LINGO1: variants seen among roughly 807,000 people sequenced by gnomAD.
LINGO1 encodes leucine rich repeat and Ig domain containing 1.
In LINGO1, 11 loss-of-function variants were observed where a neutral mutation model predicts 37.3. The ratio of observed to expected loss-of-function variants is 0.29; its 90% CI spans 0.19 to 0.49. The LOEUF (loss-of-function observed/expected upper bound fraction) is 0.49, where lower values mean the gene tolerates loss of function less well. Ranked by LOEUF, LINGO1 falls within the 20% of genes least tolerant of loss-of-function variation. LINGO1 has a pLI of 0.99. For synonymous variants in LINGO1, 387 were observed against 403.0 expected (o/e 0.96, Z 0.48); for missense variants, 585 against 878.2 (o/e 0.67, Z 4.22).
chr15:77,809,610 C>T (rs910057701), intron 1 of LINGO1, among the ~76,000 whole-genome samples: 20 of 152,074 alleles, frequency 1.3e-4, no homozygotes, highest in African/African-American at 4.3e-4. Flanking sequence ...ACTGGGAGAG[C>T]AGAGGGAAGG....
At chr15:77,757,271 C>T (rs2076429921) in intron 1 of LINGO1, among the ~76,000 whole-genome samples, 1 of 152,214 alleles carries the variant, frequency 6.6e-6, no homozygotes, top group Non-Finnish European at 1.5e-5. Flanking sequence ...GCCGCAGGGG[C>T]CCAGGCTCTG....
intron 1 of LINGO1, among the ~76,000 whole-genome samples, chr15:77,741,349 G>T (rs769263815): frequency 6.6e-6 from 1 of 152,224 alleles, no homozygotes; most frequent in Non-Finnish European, 1.5e-5. Context: ...GTCCTGAGAG[G>T]CTGGGAAACT....
At chr15:77,723,838 A>G (rs1404186703) in intron 2 of LINGO1, among the ~76,000 whole-genome samples, 1 of 152,046 alleles carries the variant, frequency 6.6e-6, no homozygotes, top group Non-Finnish European at 1.5e-5. Flanking sequence ...GGAGGGGGCA[A>G]CAGTTCCAAA....
chr15:77,708,776 G>A (rs567549917), intron 2 of LINGO1, among the ~76,000 whole-genome samples: 2 of 152,284 alleles, frequency 1.3e-5, no homozygotes, highest in East Asian at 3.9e-4. Flanking sequence ...GTGGTGGTGG[G>A]CACCTGTAAT....
At chr15:77,680,928 G>C (rs1258115911) in intron 2 of LINGO1, among the ~76,000 whole-genome samples, 2 of 152,148 alleles carry the variant, frequency 1.3e-5, no homozygotes, top group African/African-American at 2.4e-5. Flanking sequence ...ACAACACGAG[G>C]AACAAGGAGA....
intron 1 of LINGO1, among the ~76,000 whole-genome samples, chr15:77,799,331 T>A (rs1488583179): frequency 6.6e-6 from 1 of 152,060 alleles, no homozygotes; most frequent in Non-Finnish European, 1.5e-5. Context: ...CAGGGAAGGG[T>A]CCCTCAGAGT....
chr15:77,796,269 T>A (rs1473972243), intron 1 of LINGO1, among the ~76,000 whole-genome samples: 1 of 152,232 alleles, frequency 6.6e-6, no homozygotes, highest in Non-Finnish European at 1.5e-5. Flanking sequence ...CACACATAGA[T>A]GTGTTGTCAA....
At chr15:77,636,427 C>G (rs2074397149), upstream of LINGO1, among the ~76,000 whole-genome samples, 1 of 152,152 alleles carries the variant, frequency 6.6e-6, no homozygotes, top group African/African-American at 2.4e-5. Context: ...TTGCTGAGAC[C>G]TCTAATTAGC....
intron 2 of LINGO1, among the ~76,000 whole-genome samples, chr15:77,708,249 C>T (rs1371005379): frequency 1.3e-5 from 2 of 152,098 alleles, no homozygotes; most frequent in Admixed American, 1.3e-4. Flanking sequence ...GATGGCAAGC[C>T]CTGGGAAGGA....
At chr15:77,710,188 C>T (rs1296221129) in intron 2 of LINGO1, among the ~76,000 whole-genome samples, 1 of 152,246 alleles carries the variant, frequency 6.6e-6, no homozygotes, top group Non-Finnish European at 1.5e-5. Flanking sequence ...ACACCCGGCA[C>T]TCAGCTCCAC....
intron 2 of LINGO1, among the ~76,000 whole-genome samples, chr15:77,794,963 T>C (rs2076861289): frequency 6.6e-6 from 1 of 152,144 alleles, no homozygotes; most frequent in Non-Finnish European, 1.5e-5. Context: ...CAGGGTTGGC[T>C]AAGCCTCAGC....
chr15:77,757,103 TCCTTGGCCAAGCCACCCTG>T (rs535477594), intron 1 of LINGO1, among the ~76,000 whole-genome samples: 328 of 152,300 alleles, frequency 2.2e-3, no homozygotes, highest in African/African-American at 7.7e-3. Context: ...ACTGCCCCAC[TCCTTGGCCAAGCCACCCTG>T]CCTTCCCCTC....
rs1284169213 is a variant in LINGO1, at chr15:77,654,050, ATGTTAG to A, written c.-13+23033_-13+23038del. 6.6e-5 allele frequency among the ~76,000 whole-genome samples: 10 copies of A among 152,286 alleles called. No homozygotes were observed. The East Asian group carries it at 1.4e-3, about 21-fold the overall frequency. The stretch of plus-strand genomic sequence containing the variant: ...ATGTGACTTGCTTTTGGCCAATGAC[ATGTTAG>A]TGGAAGTTACAAGTGTCATTTACAA... On this transcript the variant is annotated intron_variant, in intron 3 of 3. Transcript: ENST00000559893.
chr15:77,692,272 G>A (rs1286997891), intron 1 of LINGO1, among the ~76,000 whole-genome samples: 1 of 152,194 alleles, frequency 6.6e-6, no homozygotes, highest in African/African-American at 2.4e-5. Flanking sequence ...GTTTGGATGA[G>A]GAAACTGAGG....
At chr15:77,818,464 G>A (rs749239381) in intron 1 of LINGO1, among the ~76,000 whole-genome samples, 44 of 152,202 alleles carry the variant, frequency 2.9e-4, no homozygotes, top group Admixed American at 4.6e-4. Flanking sequence ...TGAGGCACGC[G>A]GGGGCATGGC....
In LINGO1 at chr15:77,802,124, G is replaced by A. The variant is rs536470107; in HGVS notation, c.-457-6071C>T. On this transcript the variant is annotated intron_variant, in intron 1 of 5. Transcript: ENST00000562933. ...TCTCCCTATATGTACAGAGAGTGGG[G>A]GGATGAGCCCATGGGGTGCGTGGAG... 2.0e-5 allele frequency among the ~76,000 whole-genome samples: 3 copies of A among 152,250 alleles called. No homozygotes were observed. In the East Asian group the frequency reaches 5.8e-4, roughly 29 times the overall value.
At chr15:77,661,342 G>C (rs1596066037) in intron 3 of LINGO1, among the ~76,000 whole-genome samples, 1 of 152,350 alleles carries the variant, frequency 6.6e-6, no homozygotes, top group African/African-American at 2.4e-5. Flanking sequence ...AGGGAAGGCT[G>C]GGAAGTCCTG....
chr15:77,699,246 G>A (rs1425101586), upstream of LINGO1, among the ~76,000 whole-genome samples: 3 of 116,426 alleles, frequency 2.6e-5, no homozygotes, highest in African/African-American at 9.9e-5. Context: ...CAACCTCACC[G>A]ATGGTCAGGA....
chr15:77,726,921 GGC>G (rs2076108097), intron 2 of LINGO1, among the ~76,000 whole-genome samples: 1 of 152,164 alleles, frequency 6.6e-6, no homozygotes, highest in African/African-American at 2.4e-5. Flanking sequence ...ATCAAAAATT[GGC>G]AAAGGACTTG....
Sources: gnomAD v4.1 joint callset for allele counts (sites outside exome capture counted in the v4.1 genomes callset) on GRCh38, gnomAD v4.1.1 for gene constraint, MANE v1.5 for transcripts, NCBI Gene and HGNC (gene_info 2026-07-23, HGNC 2026-07-21) for gene names.